Variants in FAM81A observed in about 807,000 individuals in gnomAD.
The protein encoded by FAM81A is family with sequence similarity 81 member A, also known as protein FAM81A.
FAM81A carries 19 observed loss-of-function variants against 46.7 expected under a neutral mutation model. The ratio of observed to expected loss-of-function variants is 0.41; its 90% CI spans 0.28 to 0.60. The LOEUF is 0.60. Among genes scored for constraint, FAM81A ranks in the 20% least tolerant of loss-of-function variants. The probability of loss-of-function intolerance (pLI) is 0.34; values close to 1 mark genes in which losing one functional copy is unlikely to be tolerated. For missense variants in FAM81A, 377 were observed against 453.5 expected (o/e 0.83, Z 1.53); for synonymous variants, 183 against 152.9 (o/e 1.20, Z -1.45).
At chr15:59,458,681 T>C (rs1447827566) in intron 2 of FAM81A, 35 bp downstream of exon 2, 1 of 1,567,554 alleles carries the variant, frequency 6.4e-7, no homozygotes, top group Non-Finnish European at 8.8e-7. Context: ...CCATGGGGGC[T>C]GCTAGTGGGT....
intron 2 of FAM81A, among the ~76,000 whole-genome samples, chr15:59,428,621 C>CTTTTTTT (rs1206186244): frequency 2.8e-5 from 2 of 70,232 alleles, no homozygotes; most frequent in African/African-American, 5.5e-5. Flanking sequence ...ATGTCTACTC[C>CTTTTTTT]TTTTTTTTTT....
At chr15:59,516,507 G>A (rs117097847) in intron 7 of FAM81A, 138 bp from the exon 8 acceptor site, 204 of 780,842 alleles carry the variant, frequency 2.6e-4, no homozygotes, top group Non-Finnish European at 3.4e-4. Flanking sequence ...AAGGGAGAAC[G>A]GATATTATGG....
Position 59,514,327 on chromosome 15 carries a change from T to C in FAM81A, c.689T>C (p.Leu230Ser). The C allele has an allele frequency of 6.2e-7, 1 of 1,613,142 alleles. No individual in the cohort carries two copies. The change falls in exon 7 of 9, where the codon TTA becomes TCA. Residue 230 changes from leucine to serine, a missense_variant. By Grantham distance (145) the Leu-to-Ser change is moderately radical. Coordinates refer to ENST00000288228, the MANE Select transcript of FAM81A (RefSeq NM_152450.3). Reference sequence around the variant, plus strand: ...GTTGAGGAACTCAGTAACCAGATATTATCTGCACGGAGTTGGTTGCAACAG... The same window carrying C: ...GTTGAGGAACTCAGTAACCAGATATCATCTGCACGGAGTTGGTTGCAACAG... ...GTVEELSNQI[L>S]SARSWLQQEQ... is the part of the protein sequence containing the mutation.
intron 2 of FAM81A, among the ~76,000 whole-genome samples, chr15:59,413,296 T>C (rs2081130291): frequency 6.6e-6 from 1 of 151,866 alleles, no homozygotes. Context: ...GGTGGGTGTG[T>C]GGTAGCCCAG....
At chr15:59,518,702 A>G (rs2082293304) in intron 8 of FAM81A, among the ~76,000 whole-genome samples, 1 of 152,120 alleles carries the variant, frequency 6.6e-6, no homozygotes, top group Non-Finnish European at 1.5e-5. Flanking sequence ...ATGTATCATC[A>G]ATGAAATATT....
chr15:59,427,325 G>T (rs902878266), intron 2 of FAM81A, among the ~76,000 whole-genome samples: 1 of 151,734 alleles, frequency 6.6e-6, no homozygotes, highest in Non-Finnish European at 1.5e-5. Flanking sequence ...TGGCCAGGCT[G>T]GTCTTAAACT....
intron 4 of FAM81A, among the ~76,000 whole-genome samples, chr15:59,497,090 G>C (rs1311086977): frequency 6.6e-6 from 1 of 151,682 alleles, no homozygotes; most frequent in African/African-American, 2.4e-5. Context: ...CTGCACTCCA[G>C]CCTGGGTGAC....
At chr15:59,519,246 T>C (rs1474619167) in intron 8 of FAM81A, among the ~76,000 whole-genome samples, 2 of 151,984 alleles carry the variant, frequency 1.3e-5, no homozygotes, top group African/African-American at 4.8e-5. Flanking sequence ...TGGAGTGCAG[T>C]GGTGCAGTCT....
At chr15:59,401,968 G>T in intron 1 of FAM81A, 1 of 711,358 alleles carries the variant, frequency 1.4e-6, no homozygotes, top group South Asian at 1.5e-5. Context: ...TATCCATGGT[G>T]TTTACAGTGT....
rs143122641 is a variant in FAM81A at position 59,403,163 on chromosome 15, C to G, written c.-78+805C>G. ...TGTCCAGAGAAATCCATTCATTTAC[C>G]CATATCTTTACTGAATATTTATTGA... On this transcript the variant is annotated intron_variant, in intron 2 of 4. Coordinates refer to the FAM81A transcript ENST00000558348. Among the ~76,000 whole-genome samples, 457 of 152,218 alleles carry G rather than the reference C, an allele frequency of 3.0e-3. 2 individuals are homozygous for G. Among genetic ancestry groups the G allele is most frequent in the African/African-American group, 0.011 (436 of 41,520 alleles).
At chr15:59,401,169 C>A in intron 1 of FAM81A, 1 of 759,470 alleles carries the variant, frequency 1.3e-6, no homozygotes, top group East Asian at 2.5e-5. Flanking sequence ...ACAGTAATGG[C>A]AGTTTTTTCA....
intron 2 of FAM81A, among the ~76,000 whole-genome samples, chr15:59,425,030 C>T (rs1400205792): frequency 3.3e-5 from 5 of 152,092 alleles, no homozygotes; most frequent in Admixed American, 2.6e-4. Flanking sequence ...TCCTCTTTTT[C>T]CCTCTTTTAT....
At chr15:59,487,255 A>G (rs2081929312) in intron 3 of FAM81A, among the ~76,000 whole-genome samples, 1 of 143,886 alleles carries the variant, frequency 6.9e-6, no homozygotes, top group Non-Finnish European at 1.5e-5. Context: ...ATTAGTATAG[A>G]GTTTTTTATT....
chr15:59,434,308 A>T (rs1223278281), upstream of FAM81A, among the ~76,000 whole-genome samples: 2 of 152,220 alleles, frequency 1.3e-5, no homozygotes, highest in African/African-American at 4.8e-5. Context: ...ATTTTCCCTT[A>T]TCTTAAAAAC....
chr15:59,439,453 C>A (rs1414842533), intron 1 of FAM81A, among the ~76,000 whole-genome samples: 1 of 151,906 alleles, frequency 6.6e-6, no homozygotes, highest in Admixed American at 6.6e-5. Context: ...TTAGCGTTGA[C>A]TGGTACTAAA....
upstream of FAM81A, among the ~76,000 whole-genome samples, chr15:59,436,627 G>A: frequency 6.6e-6 from 1 of 152,138 alleles, no homozygotes; most frequent in Non-Finnish European, 1.5e-5. Flanking sequence ...CTTTCCAGAT[G>A]TTGTGGCCAG....
chr15:59,488,583 A>G (rs1247041346), intron 3 of FAM81A, among the ~76,000 whole-genome samples: 3 of 152,266 alleles, frequency 2.0e-5, no homozygotes, highest in Non-Finnish European at 4.4e-5. Context: ...TTCAGGATAC[A>G]AAATCAACAT....
At chr15:59,462,800 A>G (rs901247194) in intron 3 of FAM81A, among the ~76,000 whole-genome samples, 4 of 152,220 alleles carry the variant, frequency 2.6e-5, no homozygotes, top group Non-Finnish European at 4.4e-5. Flanking sequence ...TTCACTTAGC[A>G]TAATGTTTTC....
At chr15:59,489,875 C>G (rs2081963653) in intron 3 of FAM81A, among the ~76,000 whole-genome samples, 1 of 151,966 alleles carries the variant, frequency 6.6e-6, no homozygotes. Flanking sequence ...GAAATTAGAC[C>G]CCTATTTCAT....
Sources: gnomAD v4.1 joint callset for allele counts (sites outside exome capture counted in the v4.1 genomes callset) on GRCh38, gnomAD v4.1.1 for gene constraint, MANE v1.5 for transcripts, NCBI Gene and HGNC (gene_info 2026-07-23, HGNC 2026-07-21) for gene names.